The following PDSS2 variants were observed in gnomAD, a reference collection of about 807,000 sequenced individuals.
PDSS2 encodes the protein all trans-polyprenyl-diphosphate synthase PDSS2.
Under a neutral mutation model 44.5 loss-of-function variants are expected in PDSS2, and 31 were observed. The ratio of observed to expected loss-of-function variants is 0.70; its 90% confidence interval spans 0.52 to 0.94. The LOEUF (loss-of-function observed/expected upper bound fraction) is 0.94. PDSS2 is among the 40% of genes least tolerant of loss of function. The pLI is 0.00. For synonymous variants in PDSS2, 157 were observed against 180.3 expected (o/e 0.87, Z 1.03); for missense variants, 452 against 482.2 (o/e 0.94, Z 0.59).
At chr6:107,281,710 G>C (rs187000385) in intron 2 of PDSS2, among the ~76,000 whole-genome samples, 2 of 152,232 alleles carry the variant, frequency 1.3e-5, no homozygotes, top group Admixed American at 6.5e-5. Flanking sequence ...CCCAGAGTTA[G>C]AACTCTTTCT....
At chr6:107,191,140 C>G (rs900887956) in intron 7 of PDSS2, among the ~76,000 whole-genome samples, 1 of 152,180 alleles carries the variant, frequency 6.6e-6, no homozygotes, top group South Asian at 2.1e-4. Context: ...ATCCGCCCGC[C>G]TCCACCTCCC....
chr6:107,174,220 A>G (rs890574003), intron 7 of PDSS2, among the ~76,000 whole-genome samples: 22 of 152,346 alleles, frequency 1.4e-4, no homozygotes, highest in African/African-American at 4.8e-4. Context: ...TATAAAAGCC[A>G]TCTTCAAATA....
chr6:107,225,910 T>C (rs918345063), intron 4 of PDSS2, among the ~76,000 whole-genome samples: 2 of 152,250 alleles, frequency 1.3e-5, no homozygotes, highest in Non-Finnish European at 2.9e-5. Flanking sequence ...ATATCTTCTA[T>C]GTGCAAGGTA....
At chr6:107,246,291 A>G (rs1485262098) in intron 3 of PDSS2, among the ~76,000 whole-genome samples, 1 of 152,134 alleles carries the variant, frequency 6.6e-6, no homozygotes, top group Non-Finnish European at 1.5e-5. Context: ...AGCAGAAAAC[A>G]GTAAATGGTC....
intron 3 of PDSS2, among the ~76,000 whole-genome samples, chr6:107,266,961 G>A (rs1424804266): frequency 1.3e-5 from 2 of 152,142 alleles, no homozygotes; most frequent in African/African-American, 4.8e-5. Context: ...TAAGAAAAAG[G>A]AACATGTTAA....
intron 3 of PDSS2, among the ~76,000 whole-genome samples, chr6:107,266,463 G>A (rs571255994): frequency 2.0e-5 from 3 of 151,226 alleles, no homozygotes; most frequent in Non-Finnish European, 4.4e-5. Flanking sequence ...AAAGATTCAC[G>A]TTTGAGATTA....
intron 4 of PDSS2, among the ~76,000 whole-genome samples, chr6:107,244,761 G>A (rs761971623): frequency 6.6e-6 from 1 of 152,150 alleles, no homozygotes; most frequent in Non-Finnish European, 1.5e-5. Flanking sequence ...AGCTTAAGAT[G>A]TGCATATGTG....
chr6:107,361,711 T>C (rs892459492), intron 1 of PDSS2, among the ~76,000 whole-genome samples: 4 of 152,198 alleles, frequency 2.6e-5, no homozygotes, highest in African/African-American at 9.7e-5. Context: ...TTTATCATGA[T>C]GGAATGAGGT....
intron 2 of PDSS2, among the ~76,000 whole-genome samples, chr6:107,331,012 G>T (rs1777694099): frequency 6.6e-6 from 1 of 152,014 alleles, no homozygotes; most frequent in Non-Finnish European, 1.5e-5. Flanking sequence ...ATTTACTCAG[G>T]TCCCGTTATC....
At chr6:107,227,811 A>G (rs915726265) in intron 4 of PDSS2, among the ~76,000 whole-genome samples, 39 of 152,328 alleles carry the variant, frequency 2.6e-4, no homozygotes, top group African/African-American at 9.1e-4. Context: ...CTTCGAAGGG[A>G]AAGATCATAT....
At position 107,154,877 on chromosome 6, in the gene PDSS2, A is replaced by C. The variant is rs564888352; in HGVS notation, c.1042-100T>G. On this transcript the variant is annotated intron_variant, in intron 7 of 7. Coordinates refer to ENST00000369037, the MANE Select transcript of PDSS2 (RefSeq NM_020381.4). Reference sequence around the variant, plus strand: ...GGAGATGGAAAACAAAGAAAGGGAGAAATAGTATAGATTGAGTATTTCTGC... The same window carrying C: ...GGAGATGGAAAACAAAGAAAGGGAGCAATAGTATAGATTGAGTATTTCTGC... 4.9e-6 allele frequency: 5 copies of C among 1,019,892 alleles called. No individual in the cohort carries two copies. In the South Asian group the frequency reaches 6.5e-5, roughly 13 times the overall value. 63.2% of individuals were successfully genotyped at this position (1,019,892 alleles called of 1,614,324 possible).
chr6:107,410,086 A>C (rs1222251531), intron 1 of PDSS2, among the ~76,000 whole-genome samples: 1 of 152,184 alleles, frequency 6.6e-6, no homozygotes, highest in Non-Finnish European at 1.5e-5. Context: ...AATAAGGGGA[A>C]GCATGCTGAA....
chr6:107,183,377 T>C (rs1562358560), intron 7 of PDSS2, among the ~76,000 whole-genome samples: 1 of 152,154 alleles, frequency 6.6e-6, no homozygotes, highest in Non-Finnish European at 1.5e-5. Flanking sequence ...TCTCCATAGT[T>C]ATCACTAAAA....
intron 4 of PDSS2, among the ~76,000 whole-genome samples, chr6:107,225,970 T>C (rs1349777673): frequency 3.3e-5 from 5 of 152,180 alleles, no homozygotes; most frequent in Non-Finnish European, 7.3e-5. Flanking sequence ...CTCATAGTTA[T>C]TACAGTCTAA....
At chr6:107,261,258 A>C (rs1374299338) in intron 3 of PDSS2, among the ~76,000 whole-genome samples, 1 of 152,170 alleles carries the variant, frequency 6.6e-6, no homozygotes, top group African/African-American at 2.4e-5. Context: ...ACCCCAATGC[A>C]GGAGGTGGGG....
At chr6:107,281,530 G>C (rs1389073866) in intron 2 of PDSS2, among the ~76,000 whole-genome samples, 5 of 152,154 alleles carry the variant, frequency 3.3e-5, no homozygotes, top group Non-Finnish European at 7.3e-5. Context: ...CTCAGAGACA[G>C]TCCTGTATCA....
chr6:107,300,475 G>C (rs1776657574), intron 2 of PDSS2, among the ~76,000 whole-genome samples: 1 of 152,144 alleles, frequency 6.6e-6, no homozygotes, highest in Non-Finnish European at 1.5e-5. Flanking sequence ...AGCCTAGCTG[G>C]GGAAGGAGAC....
chr6:107,365,167 T>C (rs1196529146), intron 1 of PDSS2, among the ~76,000 whole-genome samples: 2 of 152,134 alleles, frequency 1.3e-5, no homozygotes, highest in Admixed American at 1.3e-4. Context: ...AAGATATGAT[T>C]ACATAAAGCA....
chr6:107,170,993 C>A lies in PDSS2; in HGVS notation c.1042-16216G>T, dbSNP rs1771554265. Among the ~76,000 whole-genome samples the A allele has an allele frequency of 2.0e-5, 3 of 152,112 alleles. No homozygotes were observed. The South Asian group carries it at 6.2e-4, about 31-fold the overall frequency. ...AAAACCAACAAGCGTTTATTGGACA[C>A]CTATATAACCTAGGCATTTGGTATA... On this transcript the variant is annotated intron_variant, in intron 7 of 7. Transcript: ENST00000369037.
Sources: allele counts gnomAD v4.1 joint callset (sites outside exome capture counted in the v4.1 genomes callset), GRCh38; gene constraint gnomAD v4.1.1; transcripts MANE v1.5; gene names NCBI Gene and HGNC (gene_info 2026-07-23, HGNC 2026-07-21).